The following ABTB3 variants were observed in gnomAD, a reference collection of about 807,000 sequenced individuals.
ABTB3 encodes the protein ankyrin repeat and BTB domain containing 3, also known as ankyrin repeat- and BTB/POZ domain-containing protein 3.
the ABTB3 span, among the ~76,000 whole-genome samples, chr12:107,487,767 C>T: frequency 6.6e-6 from 1 of 152,068 alleles, no homozygotes; most frequent in African/African-American, 2.4e-5. Flanking sequence ...CCAGAAAGAC[C>T]GTTGGGAGTC....
At chr12:107,351,100 G>A in the ABTB3 span, among the ~76,000 whole-genome samples, 2 of 152,200 alleles carry the variant, frequency 1.3e-5, no homozygotes, top group South Asian at 2.1e-4. Flanking sequence ...GTTATTAAAG[G>A]CATTTATTCA....
the ABTB3 span, among the ~76,000 whole-genome samples, chr12:107,483,233 G>A: frequency 5.3e-5 from 8 of 152,020 alleles, no homozygotes; most frequent in Admixed American, 5.2e-4. Context: ...TGGAGAGATG[G>A]GATTTTGCCA....
chr12:107,517,388 T>C, the ABTB3 span, among the ~76,000 whole-genome samples: 1 of 152,224 alleles, frequency 6.6e-6, no homozygotes, highest in Non-Finnish European at 1.5e-5. Context: ...AAAGTAGTGT[T>C]TTCCAATTCT....
the ABTB3 span, among the ~76,000 whole-genome samples, chr12:107,556,157 C>T: frequency 2.7e-5 from 4 of 150,870 alleles, no homozygotes; most frequent in East Asian, 3.9e-4. Context: ...TGCAATGGTG[C>T]GATCTCGGCT....
At chr12:107,416,182 G>A in the ABTB3 span, among the ~76,000 whole-genome samples, 1 of 152,214 alleles carries the variant, frequency 6.6e-6, no homozygotes, top group Admixed American at 6.5e-5. Flanking sequence ...AAAGGTGCCA[G>A]ATGTGTTTGT....
At chr12:107,635,484 GT>G in the ABTB3 span, 1 of 1,190,278 alleles carries the variant, frequency 8.4e-7, no homozygotes. Context: ...GAGGGAGGGG[GT>G]TCAAGGGCAA....
the ABTB3 span, among the ~76,000 whole-genome samples, chr12:107,433,788 A>G: frequency 3.9e-5 from 6 of 152,350 alleles, no homozygotes; most frequent in Admixed American, 2.0e-4. Context: ...TCTGGCCGCT[A>G]TAACAAAGTA....
the ABTB3 span, chr12:107,634,783 C>G: frequency 6.6e-6 from 1 of 152,080 alleles, no homozygotes; most frequent in Non-Finnish European, 1.5e-5. Flanking sequence ...CTTCTGGGTC[C>G]GGAAATGCCT....
At chr12:107,341,207 C>T in the ABTB3 span, among the ~76,000 whole-genome samples, 1 of 152,174 alleles carries the variant, frequency 6.6e-6, no homozygotes, top group Non-Finnish European at 1.5e-5. Context: ...CATGGTTTTG[C>T]TCCTGACACA....
chr12:107,567,302 T>C, the ABTB3 span, among the ~76,000 whole-genome samples: 2 of 152,244 alleles, frequency 1.3e-5, no homozygotes, highest in African/African-American at 4.8e-5. Flanking sequence ...TTAGAGTTCA[T>C]ATGGCCCAGT....
At chr12:107,635,308 G>A in the ABTB3 span, 3 of 1,613,782 alleles carry the variant, frequency 1.9e-6, no homozygotes, top group Non-Finnish European at 2.5e-6. Flanking sequence ...GCCAGCAGCT[G>A]TGCGTCATCT....
chr12:107,511,574 C>A, the ABTB3 span, among the ~76,000 whole-genome samples: 2 of 152,126 alleles, frequency 1.3e-5, no homozygotes, highest in Middle Eastern at 6.8e-3. Context: ...CTCTTGGTGG[C>A]GGCAGGGTTC....
At chr12:107,492,632 T>C in the ABTB3 span, among the ~76,000 whole-genome samples, 1 of 152,130 alleles carries the variant, frequency 6.6e-6, no homozygotes, top group Non-Finnish European at 1.5e-5. Context: ...GTCATCTCTG[T>C]AGCCTCCTTC....
At chr12:107,396,371 AG>A in the ABTB3 span, among the ~76,000 whole-genome samples, 1 of 152,182 alleles carries the variant, frequency 6.6e-6, no homozygotes, top group African/African-American at 2.4e-5. Context: ...TAGCCTTGAA[AG>A]CTCTGGCAAG....
At chr12:107,565,978 A>G in the ABTB3 span, among the ~76,000 whole-genome samples, 22 of 152,192 alleles carry the variant, frequency 1.4e-4, no homozygotes, top group African/African-American at 5.1e-4. Flanking sequence ...TAAAATCACA[A>G]GCTTCCTTCC....
chr12:107,411,520 T>C, the ABTB3 span, among the ~76,000 whole-genome samples: 7 of 152,322 alleles, frequency 4.6e-5, no homozygotes, highest in African/African-American at 1.2e-4. Context: ...GGATATTCTA[T>C]AGTTCTCAAT....
the ABTB3 span, among the ~76,000 whole-genome samples, chr12:107,570,902 G>A: frequency 6.6e-6 from 1 of 152,146 alleles, no homozygotes; most frequent in East Asian, 1.9e-4. Context: ...TACACATGCT[G>A]TTAGCCTCTG....
At chr12:107,570,378 T>C in the ABTB3 span, among the ~76,000 whole-genome samples, 2 of 152,120 alleles carry the variant, frequency 1.3e-5, no homozygotes, top group African/African-American at 4.8e-5. Context: ...CACACCCAGC[T>C]AATTTTTTGT....
the ABTB3 span, among the ~76,000 whole-genome samples, chr12:107,320,994 G>A: frequency 8.5e-5 from 13 of 152,210 alleles, no homozygotes; most frequent in Admixed American, 2.6e-4. Flanking sequence ...CCTTGAAGGG[G>A]GTGGGGCCGG....
Sources: allele counts gnomAD v4.1 joint callset (sites outside exome capture counted in the v4.1 genomes callset), GRCh38; gene constraint gnomAD v4.1.1; transcripts MANE v1.5; gene names NCBI Gene and HGNC (gene_info 2026-07-23, HGNC 2026-07-21).